The following CASP5 variants were observed in gnomAD, a reference collection of about 807,000 sequenced individuals.
CASP5 encodes caspase-5.
Under a neutral mutation model 45.2 loss-of-function variants are expected in CASP5, and 42 were observed. The observed-to-expected ratio is 0.93, with a 90% CI of 0.73 to 1.20. The LOEUF is 1.20. Ranked by LOEUF, CASP5 falls within the 50% of genes most tolerant of loss-of-function variation. The pLI, the probability that CASP5 is intolerant of heterozygous loss-of-function variation, is 0.00. For synonymous variants in CASP5, 209 were observed against 186.2 expected (o/e 1.12, Z -1.00); for missense variants, 512 against 532.2 (o/e 0.96, Z 0.37).
At chr11:105,013,024 A>T (rs1486860201) in intron 1 of CASP5, among the ~76,000 whole-genome samples, 1 of 152,044 alleles carries the variant, frequency 6.6e-6, no homozygotes, top group Non-Finnish European at 1.5e-5. Flanking sequence ...AAATCAACCT[A>T]AGTATCTGTA....
In CASP5 at chr11:105,001,910, A is replaced by ACACACG. The variant is rs45566231; in HGVS notation, c.717+112_717+117dup. On this transcript the variant is annotated intron_variant, in intron 5 of 9. Coordinates refer to ENST00000260315, the MANE Select transcript of CASP5 (RefSeq NM_004347.5). ...CATGTGCGCATGTACACACACACAC[A>ACACACG]CACACGCACACGAACCCAGAGGTTG... 7,083 of 883,716 alleles carry ACACACG rather than the reference A, an allele frequency of 8.0e-3. 190 individuals carry two copies. Among genetic ancestry groups the ACACACG allele is most frequent in the African/African-American group, 0.076 (4,475 of 59,020 alleles). The allele number at this position is 883,716 out of a possible 1,614,324, so 54.7% of individuals were successfully genotyped here.
intron 1 of CASP5, among the ~76,000 whole-genome samples, chr11:105,014,459 G>A (rs1193732617): frequency 6.6e-6 from 1 of 152,146 alleles, no homozygotes; most frequent in African/African-American, 2.4e-5. Flanking sequence ...TATGCTCTGT[G>A]AGGATAGGTG....
At position 105,003,370 on chromosome 11, in the gene CASP5, G is replaced by C; in HGVS notation, c.447C>G (p.Ile149Met). The change falls in exon 4 of 10, where the codon ATC becomes ATG. Residue 149 changes from isoleucine (I) to methionine (M), a missense_variant. Transcript: ENST00000260315. ...KITSVKPLLQ[I>M]EAGPPESAES... ...CTGCTGACTCAGGTGGTCCAGCCTCGATTTGCAGAAGAGCTGTGGGATATC... is the reference window on the plus strand; with the variant it reads ...CTGCTGACTCAGGTGGTCCAGCCTCCATTTGCAGAAGAGCTGTGGGATATC... The C allele has an allele frequency of 1.3e-6, 2 of 1,592,446 alleles. No individual in the cohort carries two copies. The highest frequency in any genetic ancestry group is 1.7e-6 in the Non-Finnish European group (2 of 1,168,934).
chr11:105,007,305 T>A lies in CASP5; in HGVS notation c.211A>T (p.Met71Leu), dbSNP rs774573848. 2.1e-5 allele frequency: 34 copies of A among 1,596,332 alleles called. 2 individuals are homozygous for A. In the South Asian group the frequency reaches 3.7e-4, roughly 17 times the overall value. ...ACATCTTTGCCCAGGTATTCCAACA[T>A]CTTAACTGTTTTTTTTTTGTGGTTG... ...KDNHKKKTVK[M>L]LEYLGKDVLH... Residue 71 changes from methionine (M) to leucine (L), a missense_variant, in exon 3 of 10, where the codon ATG becomes TTG. Coordinates refer to ENST00000260315, the MANE Select transcript of CASP5 (RefSeq NM_004347.5).
rs1230197413 is a variant in CASP5, at chr11:104,998,205, T to C, written c.1096+680A>G. Among the ~76,000 whole-genome samples the C allele has an allele frequency of 3.3e-5, 5 of 152,156 alleles. No homozygotes were observed. In the East Asian group the frequency reaches 9.6e-4, roughly 29 times the overall value. ...AGGGGTGTGTACTAATCTCCAAACTTATTGAGTTGCATACATTAAATATGT... is the reference window on the plus strand; with the variant it reads ...AGGGGTGTGTACTAATCTCCAAACTCATTGAGTTGCATACATTAAATATGT... On this transcript the variant is annotated intron_variant, in intron 7 of 9. Transcript: ENST00000260315.
chr11:105,010,706 A>C (rs1862309667), intron 1 of CASP5, among the ~76,000 whole-genome samples: 1 of 151,618 alleles, frequency 6.6e-6, no homozygotes, highest in Non-Finnish European at 1.5e-5. Context: ...CTATTTTTAC[A>C]CCACATTCCA....
At chr11:105,011,704 A>T (rs1402716503) in intron 1 of CASP5, among the ~76,000 whole-genome samples, 2 of 151,486 alleles carry the variant, frequency 1.3e-5, no homozygotes, top group African/African-American at 2.4e-5. Flanking sequence ...CTATAAAAAA[A>T]TTTCATGAAA....
intron 3 of CASP5, among the ~76,000 whole-genome samples, chr11:105,005,350 ATATATATGTGTGTGTG>A (rs1369751489): frequency 1.7e-5 from 2 of 120,526 alleles, no homozygotes; most frequent in African/African-American, 8.3e-5. Flanking sequence ...TAGTGTGTAT[ATATATATGTGTGTGTG>A]TGTGTGTGTG....
chr11:105,019,618 T>A (rs1159875583), intron 1 of CASP5, among the ~76,000 whole-genome samples: 1 of 147,796 alleles, frequency 6.8e-6, no homozygotes, highest in Non-Finnish European at 1.5e-5. Context: ...AGAAGTTGAA[T>A]CTCTGAATGG....
In CASP5 at chr11:104,999,260, T is replaced by C. The variant is rs1861614669; in HGVS notation, c.953-232A>G. On this transcript the variant is annotated intron_variant, in intron 6 of 9. Transcript: ENST00000260315. ...TGATATTCCCCTCCCTGTGTCCATG[T>C]ATTCTCATTGTTCAACCCTCACTTA... Among the ~76,000 whole-genome samples, 5 of 152,164 alleles carry C rather than the reference T, an allele frequency of 3.3e-5. No homozygotes were observed. The South Asian group carries it at 1.0e-3, about 32-fold the overall frequency.
rs749925641 is a variant in CASP5, at chr11:105,007,247, T to C, written c.269A>G (p.His90Arg). Reference sequence around the variant, plus strand: ...CTCTTCCTTCAATGTCAGAACATCGTGTTTTGCCAAATAATTAAAAACACC... The same window carrying C: ...CTCTTCCTTCAATGTCAGAACATCGCGTTTTGCCAAATAATTAAAAACACC... ...LHGVFNYLAK[H>R]DVLTLKEEEK... The change falls in exon 3 of 10, where the codon CAC becomes CGC. Residue 90 changes from histidine to arginine, a missense_variant. By Grantham distance (29) the His-to-Arg change is conservative (BLOSUM62 0). Coordinates refer to ENST00000260315, the MANE Select transcript of CASP5 (RefSeq NM_004347.5). 5.6e-6 allele frequency: 9 copies of C among 1,613,036 alleles called. No homozygotes were observed. In the South Asian group the frequency reaches 8.8e-5, roughly 16 times the overall value.
At chr11:105,009,786 T>G in intron 1 of CASP5, among the ~76,000 whole-genome samples, 1 of 94,894 alleles carries the variant, frequency 1.1e-5, no homozygotes. Flanking sequence ...TATATATATA[T>G]ACACACGTAT....
intron 1 of CASP5, among the ~76,000 whole-genome samples, chr11:105,020,713 G>A (rs11500968): frequency 1.8e-4 from 28 of 152,200 alleles, no homozygotes; most frequent in African/African-American, 4.6e-4. Flanking sequence ...AATCAATATC[G>A]TGAAAAATGG....
At position 105,003,365 on chromosome 11, in the gene CASP5, G is replaced by A; in HGVS notation, c.452C>T (p.Ala151Val). ...TSVKPLLQIE[A>V]GPPESAESTN... is the part of the protein sequence containing the mutation. ...AGATTCTGCTGACTCAGGTGGTCCA[G>A]CCTCGATTTGCAGAAGAGCTGTGGG... The change falls in exon 4 of 10, where the codon GCT (alanine) becomes GTT (valine). Residue 151 changes from alanine to valine, a missense_variant. Coordinates refer to ENST00000260315, the MANE Select transcript of CASP5 (RefSeq NM_004347.5). 1 of 1,596,218 alleles carries A rather than the reference G, an allele frequency of 6.3e-7. No homozygotes were observed.
At chr11:105,004,130 C>T (rs1861887991) in intron 3 of CASP5, among the ~76,000 whole-genome samples, 1 of 152,040 alleles carries the variant, frequency 6.6e-6, no homozygotes, top group Non-Finnish European at 1.5e-5. Context: ...AGTTATCTTT[C>T]AACAAATTGT....
At chr11:105,012,146 T>G (rs1465867584) in intron 1 of CASP5, among the ~76,000 whole-genome samples, 2 of 151,696 alleles carry the variant, frequency 1.3e-5, no homozygotes. Flanking sequence ...TACAGTAAAT[T>G]TATTTTTGAC....
chr11:105,002,660 G>T (rs1861797505), intron 4 of CASP5, among the ~76,000 whole-genome samples: 1 of 152,070 alleles, frequency 6.6e-6, no homozygotes, highest in South Asian at 2.1e-4. Flanking sequence ...CTTTTCAACT[G>T]GGTATAAACA....
At chr11:105,014,492 C>T (rs1443033373) in intron 1 of CASP5, among the ~76,000 whole-genome samples, 5 of 152,168 alleles carry the variant, frequency 3.3e-5, no homozygotes, top group Non-Finnish European at 1.5e-5. Flanking sequence ...GCCTGCACTA[C>T]TTCTGGCACT....
chr11:105,020,058 C>T (rs533299022), intron 1 of CASP5, among the ~76,000 whole-genome samples: 2 of 145,656 alleles, frequency 1.4e-5, no homozygotes, highest in Admixed American at 7.3e-5. Flanking sequence ...ACAAAAACCA[C>T]GTGATTATCT....
Sources: gnomAD v4.1 joint callset for allele counts (sites outside exome capture counted in the v4.1 genomes callset) on GRCh38, gnomAD v4.1.1 for gene constraint, MANE v1.5 for transcripts, NCBI Gene and HGNC (gene_info 2026-07-23, HGNC 2026-07-21) for gene names.